SLC14A2: variants seen among roughly 807,000 people sequenced by gnomAD.
SLC14A2 encodes urea transporter 2.
SLC14A2 carries 91 observed loss-of-function variants against 104.6 expected under a neutral mutation model. That is an observed-to-expected ratio of 0.87 (90% CI 0.73 to 1.04). The LOEUF is 1.04. Among genes scored for constraint, SLC14A2 ranks in the 50% least tolerant of loss-of-function variants. The probability of loss-of-function intolerance (pLI) is 0.00; values close to 1 mark genes in which losing one functional copy is unlikely to be tolerated. For synonymous variants in SLC14A2, 476 were observed against 466.4 expected (o/e 1.02, Z -0.27); for missense variants, 1,189 against 1,156.0 (o/e 1.03, Z -0.41).
the SLC14A2 span, among the ~76,000 whole-genome samples, chr18:45,207,531 T>C: frequency 1.3e-5 from 2 of 152,050 alleles, no homozygotes; most frequent in Non-Finnish European, 2.9e-5. Flanking sequence ...GTGTGTGGCA[T>C]GTGAGCAGTT....
At chr18:45,458,938 G>A (rs1598851087) in intron 1 of SLC14A2, among the ~76,000 whole-genome samples, 2 of 152,160 alleles carry the variant, frequency 1.3e-5, no homozygotes, top group East Asian at 3.9e-4. Context: ...ATACTTTGGA[G>A]GTAAAAATGA....
intron 1 of SLC14A2, among the ~76,000 whole-genome samples, chr18:45,397,020 T>C (rs28811718): frequency 0.02 from 3,070 of 152,328 alleles, 101 homozygotes; most frequent in African/African-American, 0.07. Context: ...GGTGACATAG[T>C]ATTCCTTGGT....
rs758621461 is a variant in SLC14A2 at position 45,632,439 on chromosome 18, G to T, written c.611G>T (p.Trp204Leu). The change falls in exon 5 of 20, where the codon TGG becomes TTG. Residue 204 changes from tryptophan to leucine, a missense_variant. Physicochemically the swap from Trp to Leu is moderately conservative, Grantham distance 61. Coordinates refer to ENST00000255226, the MANE Select transcript of SLC14A2 (RefSeq NM_007163.4). ...TTCTCGGAGAAGTTAGACTACTACT[G>T]GTGGCTTCTGTTTCCTGTGACCTTC... The part of the protein sequence containing the change: ...AVFSEKLDYY[W>L]WLLFPVTFTA... 6.2e-7 allele frequency: 1 copy of T among 1,614,038 alleles called. No homozygotes were observed. Among genetic ancestry groups the T allele is most frequent in the Non-Finnish European group, 8.5e-7 (1 of 1,179,976 alleles).
chr18:45,324,758 C>A (rs897459583), intron 1 of SLC14A2, among the ~76,000 whole-genome samples: 1 of 151,954 alleles, frequency 6.6e-6, no homozygotes, highest in South Asian at 2.1e-4. Flanking sequence ...CACCGCCCCC[C>A]ACCCCCGCAC....
intron 2 of SLC14A2, among the ~76,000 whole-genome samples, chr18:45,533,672 G>T (rs576038502): frequency 9.2e-5 from 14 of 152,172 alleles, no homozygotes; most frequent in African/African-American, 3.4e-4. Flanking sequence ...TTGATTTTTT[G>T]AAGGGTTTTT....
At chr18:45,266,327 A>G (rs73425993) in intron 1 of SLC14A2, among the ~76,000 whole-genome samples, 4,083 of 152,178 alleles carry the variant, frequency 0.027, 196 homozygotes, top group African/African-American at 0.093. Context: ...TGGAATTTCA[A>G]TTCTGACGGG....
chr18:45,439,319 A>G (rs746024537), intron 1 of SLC14A2, among the ~76,000 whole-genome samples: 13 of 152,136 alleles, frequency 8.5e-5, no homozygotes, highest in Middle Eastern at 3.2e-3. Flanking sequence ...TTTGCTTGTC[A>G]GATTTCACCA....
At chr18:45,247,344 T>G (rs748302032) in intron 1 of SLC14A2, among the ~76,000 whole-genome samples, 1 of 152,234 alleles carries the variant, frequency 6.6e-6, no homozygotes, top group Non-Finnish European at 1.5e-5. Context: ...TTGCGAGAAT[T>G]GAGCAAGTAA....
At chr18:45,211,635 C>G (rs1260670271), upstream of SLC14A2, among the ~76,000 whole-genome samples, 1 of 152,108 alleles carries the variant, frequency 6.6e-6, no homozygotes, top group Non-Finnish European at 1.5e-5. Flanking sequence ...GCTTTTTTCT[C>G]CTTCTTTATA....
chr18:45,259,517 G>T (rs1479389842), intron 1 of SLC14A2, among the ~76,000 whole-genome samples: 1 of 152,022 alleles, frequency 6.6e-6, no homozygotes, highest in Non-Finnish European at 1.5e-5. Flanking sequence ...CCTTATGTTT[G>T]GCCAGAAATA....
chr18:45,561,669 T>G (rs970879596), intron 2 of SLC14A2, among the ~76,000 whole-genome samples: 7 of 152,150 alleles, frequency 4.6e-5, no homozygotes, highest in Admixed American at 4.6e-4. Context: ...AACTCTTAGG[T>G]CCCACTCCCA....
At chr18:45,196,530 G>T in the SLC14A2 span, among the ~76,000 whole-genome samples, 4 of 152,314 alleles carry the variant, frequency 2.6e-5, no homozygotes, top group South Asian at 8.3e-4. Flanking sequence ...GTCAAAATCT[G>T]CTTTGAGCTT....
the SLC14A2 span, among the ~76,000 whole-genome samples, chr18:45,200,404 G>T: frequency 6.6e-6 from 1 of 152,138 alleles, no homozygotes; most frequent in Non-Finnish European, 1.5e-5. Context: ...ATACATTAGT[G>T]CAGTAATTTG....
At position 45,452,488 on chromosome 18, in the gene SLC14A2, A is replaced by G. The variant is rs12326892; in HGVS notation, c.-124-30745A>G. On this transcript the variant is annotated intron_variant, in intron 1 of 20. Transcript: ENST00000586448. ...CTGGGTACGTGACATTTTAGCCAAT[A>G]TCTACATTTTAGGTTCAGGGGAAAC... Among the ~76,000 whole-genome samples the G allele has an allele frequency of 5.4e-3, 824 of 152,354 alleles. 6 individuals carry two copies. The highest frequency in any genetic ancestry group is 0.014 in the Middle Eastern group (4 of 294).
intron 4 of SLC14A2, among the ~76,000 whole-genome samples, chr18:45,630,286 A>G (rs1338863029): frequency 6.6e-6 from 1 of 152,152 alleles, no homozygotes; most frequent in Non-Finnish European, 1.5e-5. Context: ...ATATCTTCTA[A>G]GGAGCCACGA....
chr18:45,595,324 G>A (rs1180809468), intron 2 of SLC14A2, among the ~76,000 whole-genome samples: 1 of 151,922 alleles, frequency 6.6e-6, no homozygotes, highest in East Asian at 1.9e-4. Flanking sequence ...TTGCACTCCT[G>A]TGCTAAGCAG....
At chr18:45,328,657 G>A (rs895190457) in intron 1 of SLC14A2, among the ~76,000 whole-genome samples, 4 of 152,158 alleles carry the variant, frequency 2.6e-5, no homozygotes, top group Non-Finnish European at 5.9e-5. Flanking sequence ...TCTCTTCCTT[G>A]ACCCTAACTG....
chr18:45,332,255 C>G (rs138604071), intron 1 of SLC14A2, among the ~76,000 whole-genome samples: 1 of 152,046 alleles, frequency 6.6e-6, no homozygotes, highest in African/African-American at 2.4e-5. Flanking sequence ...AACTGTGGAT[C>G]AAAAATATTT....
intron 1 of SLC14A2, among the ~76,000 whole-genome samples, chr18:45,217,480 A>AG (rs1253992432): frequency 6.6e-6 from 1 of 152,024 alleles, no homozygotes; most frequent in African/African-American, 2.4e-5. Context: ...TCTTTTAGGC[A>AG]GGGGGTCTTG....
Sources: gnomAD v4.1 joint callset for allele counts (sites outside exome capture counted in the v4.1 genomes callset) on GRCh38, gnomAD v4.1.1 for gene constraint, MANE v1.5 for transcripts, NCBI Gene and HGNC (gene_info 2026-07-23, HGNC 2026-07-21) for gene names.